CRTC3: variants seen among roughly 807,000 people sequenced by gnomAD.
The protein encoded by CRTC3 is CREB regulated transcription coactivator 3, also known as CREB-regulated transcription coactivator 3.
Under a neutral mutation model 74.5 loss-of-function variants are expected in CRTC3, and 26 were observed. The ratio of observed to expected loss-of-function variants is 0.35; its 90% confidence interval spans 0.26 to 0.48. The LOEUF (loss-of-function observed/expected upper bound fraction) is 0.48, where lower values mean the gene tolerates loss of function less well. Ranked by LOEUF, CRTC3 falls within the 20% of genes least tolerant of loss-of-function variation. The pLI is 0.99. For missense variants in CRTC3, 760 were observed against 787.3 expected (o/e 0.97, Z 0.41); for synonymous variants, 377 against 325.8 (o/e 1.16, Z -1.69).
chr15:90,589,930 T>C (rs1967760468), intron 2 of CRTC3, among the ~76,000 whole-genome samples: 1 of 152,046 alleles, frequency 6.6e-6, no homozygotes, highest in Non-Finnish European at 1.5e-5. Context: ...GAGGTTGCAG[T>C]GAGCCAAGAT....
chr15:90,590,040 C>T (rs1967763155), intron 2 of CRTC3, among the ~76,000 whole-genome samples: 1 of 149,418 alleles, frequency 6.7e-6, no homozygotes, highest in African/African-American at 2.5e-5. Flanking sequence ...CCTGTAATCC[C>T]AGTACTTTGG....
chr15:90,611,147 C>T (rs1197264898), intron 6 of CRTC3, among the ~76,000 whole-genome samples: 1 of 152,174 alleles, frequency 6.6e-6, no homozygotes, highest in Non-Finnish European at 1.5e-5. Context: ...GAGTGTCACC[C>T]AGGGACAGGA....
At chr15:90,630,464 A>G (rs1968995972) in intron 11 of CRTC3, among the ~76,000 whole-genome samples, 1 of 152,154 alleles carries the variant, frequency 6.6e-6, no homozygotes, top group African/African-American at 2.4e-5. Context: ...AAAATGGAAA[A>G]ATTAGCTGGG....
At chr15:90,531,144 A>C (rs892024212) in intron 1 of CRTC3, among the ~76,000 whole-genome samples, 1 of 152,194 alleles carries the variant, frequency 6.6e-6, no homozygotes, top group Non-Finnish European at 1.5e-5. Flanking sequence ...TTGCAGACAC[A>C]TTATTTTTTG....
rs146514134 is a variant in CRTC3, at chr15:90,628,931, C to G, written c.968-303C>G. Among the ~76,000 whole-genome samples the G allele has an allele frequency of 1.9e-3, 293 of 152,240 alleles. 1 individual carries two copies. The highest frequency in any genetic ancestry group is 2.6e-3 in the Non-Finnish European group (177 of 68,008). On this transcript the variant is annotated intron_variant, in intron 10 of 14. Transcript: ENST00000268184. ...CTTTCCCTGGGTCTGGGCCGAGCACCTGGAATATTTGCCTCTGTTACCCCG... is the reference window on the plus strand; with the variant it reads ...CTTTCCCTGGGTCTGGGCCGAGCACGTGGAATATTTGCCTCTGTTACCCCG...
intron 2 of CRTC3, among the ~76,000 whole-genome samples, chr15:90,546,596 T>C (rs1966844602): frequency 6.6e-6 from 1 of 152,178 alleles, no homozygotes; most frequent in African/African-American, 2.4e-5. Flanking sequence ...ATCAGCTTGT[T>C]AATGTCTATA....
rs1969576357 is a variant in CRTC3 at position 90,645,056 on chromosome 15, G to A, written c.*2916G>A. On this transcript the variant is annotated 3_prime_UTR_variant, in exon 15 of 15. Transcript: ENST00000268184. ...CTCCTCCGCCTGCTGTATATTACCT[G>A]AGCTGGTGTTGTATCTTCAAGTCCA... 8.7e-6 allele frequency: 2 copies of A among 231,160 alleles called. No homozygotes were observed. The highest frequency in any genetic ancestry group is 5.6e-5 in the Admixed American group (1 of 17,712). 14.3% of individuals were successfully genotyped at this position (231,160 alleles called of 1,614,324 possible). A position where few individuals can be genotyped will look rare whatever the true frequency, so the allele number is the denominator to read the frequency against.
rs267604383 is a variant in CRTC3, at chr15:90,638,470, C to G, written c.1291C>G (p.Leu431Val). Residue 431 changes from leucine to valine, a missense_variant, in exon 12 of 15, where the codon CTT becomes GTT. Leu to Val is a conservative substitution (Grantham distance 32, BLOSUM62 1). Transcript: ENST00000268184. ...SQMVSSDRSQ[L>V]SFLPTEAQAQ... ...GATGGTGTCCTCAGACCGAAGCCAA[C>G]TTTCCTTTCTGCCCACAGAAGCTCA... 44 of 1,614,020 alleles carry G rather than the reference C, an allele frequency of 2.7e-5. No individual in the cohort carries two copies. The African/African-American group carries it at 5.6e-4, about 21-fold the overall frequency.
intron 1 of CRTC3, among the ~76,000 whole-genome samples, chr15:90,536,014 T>A (rs1966713469): frequency 6.6e-6 from 1 of 152,234 alleles, no homozygotes. Context: ...CTCCCTGCTG[T>A]AAGGTATCAG....
chr15:90,563,977 T>G (rs1967068473), intron 2 of CRTC3, among the ~76,000 whole-genome samples: 1 of 152,274 alleles, frequency 6.6e-6, no homozygotes, highest in South Asian at 2.1e-4. Context: ...TGTACTGAAC[T>G]TTTGCTGTGC....
intron 10 of CRTC3, among the ~76,000 whole-genome samples, chr15:90,628,726 G>T (rs1057406533): frequency 6.6e-6 from 1 of 152,136 alleles, no homozygotes; most frequent in Non-Finnish European, 1.5e-5. Flanking sequence ...ACAGGGAAGT[G>T]TCCCTTCCTG....
intron 2 of CRTC3, among the ~76,000 whole-genome samples, chr15:90,566,824 CT>C (rs1334107532): frequency 6.6e-6 from 1 of 151,292 alleles, no homozygotes; most frequent in Non-Finnish European, 1.5e-5. Context: ...AATTCTCTTG[CT>C]TCAGCCTCCC....
chr15:90,631,508 A>T (rs1046631108), intron 11 of CRTC3, among the ~76,000 whole-genome samples: 2 of 152,098 alleles, frequency 1.3e-5, no homozygotes, highest in Admixed American at 6.5e-5. Context: ...CAGACGGATC[A>T]CTTGAGGGTA....
intron 2 of CRTC3, among the ~76,000 whole-genome samples, chr15:90,542,667 C>T (rs1966822587): frequency 6.6e-6 from 1 of 152,164 alleles, no homozygotes; most frequent in East Asian, 1.9e-4. Flanking sequence ...ACCAAATGTC[C>T]CCCTGCTGTC....
Position 90,608,285 on chromosome 15 carries a change from C to T in CRTC3, c.577+807C>T, listed in dbSNP as rs149007247. 4.5e-3 allele frequency among the ~76,000 whole-genome samples: 689 copies of T among 152,300 alleles called. 9 individuals carry two copies. Among genetic ancestry groups the T allele is most frequent in the African/African-American group, 0.016 (673 of 41,550 alleles). On this transcript the variant is annotated intron_variant, in intron 6 of 14. Transcript: ENST00000268184. Reference sequence around the variant, plus strand: ...ACTTAAAATCCTCAGTGCCACCCCTCACCTTCAGGAGAAAGAGCCCAGATC... The same window carrying T: ...ACTTAAAATCCTCAGTGCCACCCCTTACCTTCAGGAGAAAGAGCCCAGATC...
intron 2 of CRTC3, among the ~76,000 whole-genome samples, chr15:90,565,598 T>A (rs1302629678): frequency 6.6e-6 from 1 of 152,232 alleles, no homozygotes; most frequent in Admixed American, 6.5e-5. Flanking sequence ...AGCAAGTCTA[T>A]TGGTGCCATT....
At chr15:90,564,395 C>T (rs1484491525) in intron 2 of CRTC3, among the ~76,000 whole-genome samples, 2 of 152,140 alleles carry the variant, frequency 1.3e-5, no homozygotes, top group African/African-American at 2.4e-5. Flanking sequence ...TTTGCCTTCA[C>T]ACACAAGAAA....
At chr15:90,623,489 C>T (rs189757484) in intron 9 of CRTC3, among the ~76,000 whole-genome samples, 4 of 152,224 alleles carry the variant, frequency 2.6e-5, no homozygotes, top group African/African-American at 9.6e-5. Context: ...CTCCACCAGT[C>T]CCCAGGCTAA....
intron 2 of CRTC3, among the ~76,000 whole-genome samples, chr15:90,562,328 T>G (rs1408953873): frequency 6.6e-6 from 1 of 152,224 alleles, no homozygotes. Context: ...CCTTCTGAGA[T>G]AGGCATTATC....
Sources: gnomAD v4.1 joint callset for allele counts (sites outside exome capture counted in the v4.1 genomes callset) on GRCh38, gnomAD v4.1.1 for gene constraint, MANE v1.5 for transcripts, NCBI Gene and HGNC (gene_info 2026-07-23, HGNC 2026-07-21) for gene names.